The following NMNAT2 variants were observed in gnomAD, a reference collection of about 807,000 sequenced individuals.
NMNAT2 encodes nicotinamide/nicotinic acid mononucleotide adenylyltransferase 2.
NMNAT2 carries 11 observed loss-of-function variants against 41.6 expected under a neutral mutation model. That is an observed-to-expected ratio of 0.26 (90% CI 0.17 to 0.44). NMNAT2 has a LOEUF of 0.44. Among genes scored for constraint, NMNAT2 ranks in the 20% least tolerant of loss-of-function variants. NMNAT2 has a pLI of 1.00. For synonymous variants in NMNAT2, 148 were observed against 151.2 expected, an observed-to-expected ratio of 0.98 and a Z score of 0.16; for missense variants, 288 against 407.7, an observed-to-expected ratio of 0.71 and a Z score of 2.53.
chr1:183,347,327 A>AT (rs761775598), intron 1 of NMNAT2, among the ~76,000 whole-genome samples: 13 of 152,110 alleles, frequency 8.5e-5, no homozygotes, highest in Non-Finnish European at 1.8e-4. Flanking sequence ...ATGGTGGTGC[A>AT]TGCCTGTAGT....
chr1:183,379,571 T>G (rs1663757919), intron 1 of NMNAT2, among the ~76,000 whole-genome samples: 1 of 152,120 alleles, frequency 6.6e-6, no homozygotes, highest in African/African-American at 2.4e-5. Context: ...AAAAGAAAGC[T>G]GGAATAGTTA....
At chr1:183,258,300 A>AT (rs1220811227) in intron 10 of NMNAT2, among the ~76,000 whole-genome samples, 1 of 152,256 alleles carries the variant, frequency 6.6e-6, no homozygotes, top group East Asian at 1.9e-4. Flanking sequence ...TCTAAAAGGC[A>AT]TCTGAGCCCT....
intron 1 of NMNAT2, among the ~76,000 whole-genome samples, chr1:183,345,307 T>A (rs1439601639): frequency 6.6e-6 from 1 of 152,186 alleles, no homozygotes; most frequent in African/African-American, 2.4e-5. Context: ...AAATTATATA[T>A]GTATATTTTA....
intron 1 of NMNAT2, among the ~76,000 whole-genome samples, chr1:183,370,125 C>T (rs558173953): frequency 1.3e-4 from 20 of 151,992 alleles, no homozygotes; most frequent in African/African-American, 4.6e-4. Flanking sequence ...GCAAAGGGCT[C>T]CTCTGTCCAG....
At chr1:183,400,582 G>C (rs1045378490) in intron 1 of NMNAT2, among the ~76,000 whole-genome samples, 3 of 151,962 alleles carry the variant, frequency 2.0e-5, no homozygotes, top group Middle Eastern at 3.2e-3. Flanking sequence ...TCATATGGAA[G>C]CAAAAAAGAG....
chr1:183,388,123 A>G (rs993334296), intron 1 of NMNAT2, among the ~76,000 whole-genome samples: 2 of 152,234 alleles, frequency 1.3e-5, no homozygotes, highest in African/African-American at 4.8e-5. Context: ...ACAGCCCAGG[A>G]TCAGTAACTT....
intron 7 of NMNAT2, 75 bp from the exon 8 acceptor site, chr1:183,278,704 C>T (rs916363497): frequency 9.8e-7 from 1 of 1,022,406 alleles, no homozygotes; most frequent in African/African-American, 1.6e-5. Context: ...GCCTTCTTCC[C>T]CTGGTGAATA....
intron 8 of NMNAT2, among the ~76,000 whole-genome samples, chr1:183,263,638 C>G (rs1452197721): frequency 6.6e-6 from 1 of 152,072 alleles, no homozygotes; most frequent in African/African-American, 2.4e-5. Flanking sequence ...AACCCTGTCT[C>G]TACTAAAAAT....
intron 1 of NMNAT2, among the ~76,000 whole-genome samples, chr1:183,404,883 G>A (rs1473782108): frequency 6.6e-6 from 1 of 152,190 alleles, no homozygotes; most frequent in Admixed American, 6.5e-5. Context: ...CATCCTGTCT[G>A]TAAAGGCAGG....
intron 1 of NMNAT2, among the ~76,000 whole-genome samples, chr1:183,298,727 C>G (rs538928362): frequency 1.3e-5 from 2 of 152,244 alleles, no homozygotes; most frequent in South Asian, 2.1e-4. Context: ...TTTGGGTGAT[C>G]ATGCTTCTAT....
chr1:183,254,726 C>T (rs1278401716), intron 10 of NMNAT2, among the ~76,000 whole-genome samples: 1 of 152,238 alleles, frequency 6.6e-6, no homozygotes, highest in Non-Finnish European at 1.5e-5. Flanking sequence ...TATGAGCCAT[C>T]ACACTGTGCC....
intron 1 of NMNAT2, among the ~76,000 whole-genome samples, chr1:183,360,361 C>T (rs903237099): frequency 6.6e-6 from 1 of 152,122 alleles, no homozygotes; most frequent in Non-Finnish European, 1.5e-5. Context: ...GGGTAAGATG[C>T]TCGAGACAGC....
intron 10 of NMNAT2, among the ~76,000 whole-genome samples, chr1:183,256,248 A>T (rs772483678): frequency 3.5e-4 from 53 of 152,028 alleles, no homozygotes; most frequent in Non-Finnish European, 3.2e-4. Flanking sequence ...TCTACCAAAA[A>T]TACACAAAAA....
At chr1:183,294,958 T>C (rs10752908) in intron 1 of NMNAT2, among the ~76,000 whole-genome samples, 46,228 of 152,192 alleles carry the variant, frequency 0.3, 8,059 homozygotes, top group Middle Eastern at 0.4. Flanking sequence ...CTTTGCTGGA[T>C]TTCTTAACAC....
chr1:183,413,129 A>C (rs957163069), intron 1 of NMNAT2, among the ~76,000 whole-genome samples: 1 of 152,198 alleles, frequency 6.6e-6, no homozygotes, highest in Non-Finnish European at 1.5e-5. Context: ...AGTTCAAATA[A>C]AGTGGCTTCA....
intron 1 of NMNAT2, among the ~76,000 whole-genome samples, chr1:183,380,701 T>C (rs545353904): frequency 6.6e-6 from 1 of 152,056 alleles, no homozygotes; most frequent in Non-Finnish European, 1.5e-5. Context: ...ATTCGACAGA[T>C]CAATGTGGCA....
At chr1:183,335,640 G>A (rs992851703) in intron 1 of NMNAT2, among the ~76,000 whole-genome samples, 8 of 152,186 alleles carry the variant, frequency 5.3e-5, no homozygotes, top group African/African-American at 1.9e-4. Flanking sequence ...GAACTTCCCT[G>A]GTGTCCCAGG....
At chr1:183,321,051 A>G (rs1248689729) in intron 1 of NMNAT2, among the ~76,000 whole-genome samples, 1 of 152,170 alleles carries the variant, frequency 6.6e-6, no homozygotes, top group African/African-American at 2.4e-5. Context: ...TCTCCTCTAT[A>G]AAATTGGTTT....
intron 4 of NMNAT2, among the ~76,000 whole-genome samples, chr1:183,288,617 A>G (rs967502490): frequency 2.6e-5 from 4 of 152,236 alleles, no homozygotes; most frequent in Non-Finnish European, 5.9e-5. Flanking sequence ...GCACTGAGGA[A>G]TGCCTGCAGG....
Sources: allele counts gnomAD v4.1 joint callset (sites outside exome capture counted in the v4.1 genomes callset), GRCh38; gene constraint gnomAD v4.1.1; transcripts MANE v1.5; gene names NCBI Gene and HGNC (gene_info 2026-07-23, HGNC 2026-07-21).